Variants in LUZP2 observed in about 807,000 individuals in gnomAD.
The protein encoded by LUZP2 is leucine zipper protein 2.
Under a neutral mutation model 51.6 loss-of-function variants are expected in LUZP2, and 52 were observed. That is an observed-to-expected ratio of 1.01 (90% CI 0.81 to 1.27). The LOEUF is 1.27. Ranked by LOEUF, LUZP2 falls within the 50% of genes most tolerant of loss-of-function variation. The pLI is 0.00. For missense variants in LUZP2, 436 were observed against 395.4 expected, an observed-to-expected ratio of 1.10 and a Z score of -0.87; for synonymous variants, 154 against 137.3, an observed-to-expected ratio of 1.12 and a Z score of -0.85.
chr11:24,732,619 A>G (rs1390027987), intron 3 of LUZP2, among the ~76,000 whole-genome samples: 1 of 151,730 alleles, frequency 6.6e-6, no homozygotes, highest in African/African-American at 2.4e-5. Flanking sequence ...TACTAACAAT[A>G]CAAGTAGAAT....
chr11:24,795,816 C>T (rs1410786855), intron 5 of LUZP2, among the ~76,000 whole-genome samples: 1 of 151,816 alleles, frequency 6.6e-6, no homozygotes, highest in East Asian at 1.9e-4. Context: ...TCTCCAAGTA[C>T]TTCAGTGTTA....
At chr11:24,513,948 G>A (rs1850388695) in intron 1 of LUZP2, among the ~76,000 whole-genome samples, 1 of 152,218 alleles carries the variant, frequency 6.6e-6, no homozygotes, top group East Asian at 1.9e-4. Context: ...CGGATTTAAT[G>A]TTTTGAAGTG....
At chr11:24,898,782 T>G (rs1389999442) in intron 5 of LUZP2, among the ~76,000 whole-genome samples, 4 of 152,194 alleles carry the variant, frequency 2.6e-5, no homozygotes, top group Non-Finnish European at 4.4e-5. Context: ...CTAGCGTTTT[T>G]GGGGTGAATG....
chr11:25,054,949 G>GTT (rs11448325), intron 10 of LUZP2, among the ~76,000 whole-genome samples: 3,958 of 144,992 alleles, frequency 0.027, 79 homozygotes, highest in Middle Eastern at 0.044. Context: ...TAATAATACT[G>GTT]TTTTTTTTTC....
chr11:24,917,418 G>C (rs1312848867), intron 7 of LUZP2, among the ~76,000 whole-genome samples: 1 of 152,144 alleles, frequency 6.6e-6, no homozygotes, highest in Non-Finnish European at 1.5e-5. Context: ...CCATGCCTAT[G>C]TCCTGAATGG....
At chr11:25,005,632 C>T (rs184960642) in intron 9 of LUZP2, among the ~76,000 whole-genome samples, 41 of 152,168 alleles carry the variant, frequency 2.7e-4, no homozygotes, top group Admixed American at 3.9e-4. Context: ...GTTTGTTTCC[C>T]GCTGCCCAAG....
At chr11:24,535,136 T>C (rs975882) in intron 1 of LUZP2, among the ~76,000 whole-genome samples, 62,959 of 99,992 alleles carry the variant, frequency 0.63, 13,690 homozygotes, top group Middle Eastern at 0.67. Flanking sequence ...ACTTCATTGC[T>C]TAAAAAAAAA....
chr11:24,610,552 G>T (rs1393043802), intron 1 of LUZP2, among the ~76,000 whole-genome samples: 1 of 152,150 alleles, frequency 6.6e-6, no homozygotes, highest in Non-Finnish European at 1.5e-5. Context: ...GGCTCAAAGA[G>T]AATATTCAAG....
At chr11:24,603,670 CACT>C (rs770870101) in intron 1 of LUZP2, among the ~76,000 whole-genome samples, 2 of 144,204 alleles carry the variant, frequency 1.4e-5, no homozygotes, top group Non-Finnish European at 3.2e-5. Context: ...TCTGTGTCTA[CACT>C]ACATTAGCCT....
At chr11:24,716,402 A>G (rs1291549980) in intron 1 of LUZP2, among the ~76,000 whole-genome samples, 1 of 152,246 alleles carries the variant, frequency 6.6e-6, no homozygotes, top group Non-Finnish European at 1.5e-5. Flanking sequence ...TTGAAAGACT[A>G]TTCCATGATA....
intron 2 of LUZP2, among the ~76,000 whole-genome samples, chr11:24,730,178 G>A (rs1858662404): frequency 6.6e-6 from 1 of 151,544 alleles, no homozygotes; most frequent in Non-Finnish European, 1.5e-5. Context: ...AGCCACTGAG[G>A]CTTATTGAAC....
intron 9 of LUZP2, among the ~76,000 whole-genome samples, chr11:24,989,791 A>T (rs979940995): frequency 6.6e-6 from 1 of 152,172 alleles, no homozygotes; most frequent in Non-Finnish European, 1.5e-5. Flanking sequence ...AAACAATGTA[A>T]GGTTAAGATA....
chr11:25,003,509 A>T (rs1340711663), intron 9 of LUZP2, among the ~76,000 whole-genome samples: 1 of 152,230 alleles, frequency 6.6e-6, no homozygotes, highest in Non-Finnish European at 1.5e-5. Flanking sequence ...TGAGTCTAAC[A>T]TCTTGCACTA....
At chr11:24,568,265 C>T (rs1024017260) in intron 1 of LUZP2, among the ~76,000 whole-genome samples, 10 of 148,272 alleles carry the variant, frequency 6.7e-5, no homozygotes, top group African/African-American at 2.2e-4. Flanking sequence ...GAGGCTGAGA[C>T]ATGAGAATTG....
intron 5 of LUZP2, among the ~76,000 whole-genome samples, chr11:24,839,282 T>A (rs939881001): frequency 6.6e-6 from 1 of 151,696 alleles, no homozygotes; most frequent in African/African-American, 2.4e-5. Flanking sequence ...GCAAGCCTGA[T>A]TTTCAATCAT....
At chr11:24,502,600 G>T (rs1850030748) in intron 1 of LUZP2, among the ~76,000 whole-genome samples, 2 of 151,990 alleles carry the variant, frequency 1.3e-5, no homozygotes, top group South Asian at 4.1e-4. Context: ...TGGCCAGACT[G>T]GTCTTGAACC....
At chr11:24,902,660 G>C (rs756640453) in intron 5 of LUZP2, among the ~76,000 whole-genome samples, 2 of 152,148 alleles carry the variant, frequency 1.3e-5, no homozygotes, top group Non-Finnish European at 2.9e-5. Context: ...AAATCAGTGT[G>C]AGAAGCAGAG....
chr11:24,774,406 A>G (rs1329987423), intron 5 of LUZP2, among the ~76,000 whole-genome samples: 2 of 136,138 alleles, frequency 1.5e-5, no homozygotes, highest in African/African-American at 5.4e-5. Flanking sequence ...ATATTTATAA[A>G]GAATATATTC....
At chr11:24,664,178 G>A (rs1344737433) in intron 1 of LUZP2, among the ~76,000 whole-genome samples, 1 of 152,020 alleles carries the variant, frequency 6.6e-6, no homozygotes. Context: ...GACTTGGAGG[G>A]CTCAGAAGAC....
Sources: allele counts gnomAD v4.1 joint callset (sites outside exome capture counted in the v4.1 genomes callset), GRCh38; gene constraint gnomAD v4.1.1; transcripts MANE v1.5; gene names NCBI Gene and HGNC (gene_info 2026-07-23, HGNC 2026-07-21).